Variants in FBN2 observed in about 807,000 individuals in gnomAD.
FBN2 encodes the protein fibrillin-2.
In FBN2, 105 loss-of-function variants were observed where a neutral mutation model predicts 355.6. The ratio of observed to expected loss-of-function variants is 0.30; its 90% CI spans 0.25 to 0.35. The LOEUF is 0.35. Among genes scored for constraint, FBN2 ranks in the 10% least tolerant of loss-of-function variants. FBN2 has a pLI of 1.00. For missense variants in FBN2, 3,280 were observed against 3,758.7 expected (o/e 0.87, Z 3.33); for synonymous variants, 1,350 against 1,301.2 (o/e 1.04, Z -0.81).
intron 47 of FBN2, 120 bp downstream of exon 47, chr5:128,301,262 G>A: frequency 5.2e-6 from 5 of 965,722 alleles, no homozygotes; most frequent in Middle Eastern, 5.0e-4. Context: ...GCTTATCTTG[G>A]TCATGTGCTC....
At chr5:128,511,384 C>T (rs978657097) in intron 5 of FBN2, among the ~76,000 whole-genome samples, 8 of 152,210 alleles carry the variant, frequency 5.3e-5, no homozygotes, top group African/African-American at 1.9e-4. Flanking sequence ...TTTCCAGCCT[C>T]ATCATCTACT....
At chr5:128,303,694 G>A (rs1472334439) in intron 45 of FBN2, among the ~76,000 whole-genome samples, 1 of 152,150 alleles carries the variant, frequency 6.6e-6, no homozygotes, top group Non-Finnish European at 1.5e-5. Flanking sequence ...AAAAAAGGGT[G>A]GGGGCTGGTA....
chr5:128,496,044 T>G (rs1388658702), intron 5 of FBN2, among the ~76,000 whole-genome samples: 2 of 152,128 alleles, frequency 1.3e-5, no homozygotes, highest in African/African-American at 4.8e-5. Context: ...CACTTAGGGA[T>G]AGAGAAACTA....
At chr5:128,363,375 G>A (rs1698686870) in intron 18 of FBN2, among the ~76,000 whole-genome samples, 1 of 151,908 alleles carries the variant, frequency 6.6e-6, no homozygotes, top group South Asian at 2.1e-4. Context: ...TTTTTTAGTA[G>A]AGGGGGGTTT....
intron 15 of FBN2, among the ~76,000 whole-genome samples, chr5:128,371,467 C>CT (rs1751936456): frequency 6.7e-6 from 1 of 150,040 alleles, no homozygotes; most frequent in African/African-American, 2.5e-5. Context: ...TCCTTCCTTC[C>CT]TTCCTTCCTT....
At chr5:128,491,577 T>C (rs1243401624) in intron 5 of FBN2, among the ~76,000 whole-genome samples, 3 of 152,204 alleles carry the variant, frequency 2.0e-5, no homozygotes, top group African/African-American at 7.2e-5. Context: ...TTTGACACAA[T>C]GCTGCCACTT....
intron 34 of FBN2, among the ~76,000 whole-genome samples, chr5:128,324,085 T>C (rs184437241): frequency 6.6e-6 from 1 of 152,246 alleles, no homozygotes; most frequent in South Asian, 2.1e-4. Flanking sequence ...AGAGAGGTGT[T>C]TATAGTATTC....
chr5:128,342,274 A>G (rs1348921320), intron 25 of FBN2, among the ~76,000 whole-genome samples: 1 of 152,080 alleles, frequency 6.6e-6, no homozygotes, highest in Non-Finnish European at 1.5e-5. Flanking sequence ...GCATAGAAGG[A>G]TGATCAAGAC....
At chr5:128,311,783 A>G (rs1750064545) in intron 38 of FBN2, 102 bp downstream of exon 38, 1 of 826,024 alleles carries the variant, frequency 1.2e-6, no homozygotes, top group Non-Finnish European at 2.1e-6. Flanking sequence ...ATTTTACTAA[A>G]TTATCTTGTC....
chr5:128,312,878 A>C (rs1750096520), intron 36 of FBN2, 83 bp from the exon 37 acceptor site: 10 of 1,471,848 alleles, frequency 6.8e-6, no homozygotes, highest in Non-Finnish European at 8.5e-6. Context: ...TCAAAGGATG[A>C]AATTCAAATT....
intron 52 of FBN2, 112 bp downstream of exon 52, chr5:128,289,015 T>G (rs1332423560): frequency 2.7e-6 from 3 of 1,114,368 alleles, no homozygotes; most frequent in Non-Finnish European, 4.0e-6. Flanking sequence ...TACTAGCTAT[T>G]TATCCTGGAT....
intron 2 of FBN2, among the ~76,000 whole-genome samples, chr5:128,534,967 G>A (rs550741267): frequency 2.0e-5 from 3 of 152,312 alleles, no homozygotes; most frequent in African/African-American, 7.2e-5. Context: ...GACGTTAGCT[G>A]TTTCAGGAGT....
Position 128,319,230 on chromosome 5 carries a change from G to A in FBN2, c.4472-229C>T, listed in dbSNP as rs186870913. Among the ~76,000 whole-genome samples the A allele has an allele frequency of 9.2e-5, 14 of 151,894 alleles. No homozygotes were observed. The East Asian group carries it at 2.5e-3, about 27-fold the overall frequency. On this transcript the variant is annotated intron_variant, in intron 34 of 64. Coordinates refer to ENST00000262464, the MANE Select transcript of FBN2 (RefSeq NM_001999.4). ...GTTTTCTTCGTAAAATGAGTGTCTA[G>A]TATTTTGAATGACTTGGATTATGAT...
intron 7 of FBN2, among the ~76,000 whole-genome samples, chr5:128,431,848 G>C (rs1472692841): frequency 1.3e-5 from 2 of 152,180 alleles, no homozygotes; most frequent in Non-Finnish European, 2.9e-5. Context: ...TGGACAGATG[G>C]ATGAGGCACA....
chr5:128,416,117 C>T (rs1042334335), intron 7 of FBN2, among the ~76,000 whole-genome samples: 1 of 151,842 alleles, frequency 6.6e-6, no homozygotes. Flanking sequence ...ACCTCTACCT[C>T]CCAGTTCAAG....
At chr5:128,337,915 C>T (rs999339450) in intron 27 of FBN2, 82 bp downstream of exon 27, 3 of 1,498,222 alleles carry the variant, frequency 2.0e-6, no homozygotes, top group Non-Finnish European at 2.8e-6. Flanking sequence ...ATGTGCTCCT[C>T]AAACAACAGG....
intron 7 of FBN2, among the ~76,000 whole-genome samples, chr5:128,423,482 T>C (rs1753406201): frequency 6.6e-6 from 1 of 152,048 alleles, no homozygotes; most frequent in Admixed American, 6.6e-5. Context: ...GAAGAACAGC[T>C]TGAGAAAACC....
At chr5:128,514,153 T>C (rs1756214121) in intron 5 of FBN2, among the ~76,000 whole-genome samples, 1 of 152,174 alleles carries the variant, frequency 6.6e-6, no homozygotes, top group Non-Finnish European at 1.5e-5. Flanking sequence ...AAGGGAGACA[T>C]TTTATTTCTG....
Position 128,286,740 on chromosome 5 carries a change from C to T in FBN2, c.6990G>A (p.Arg2330=), listed in dbSNP as rs28763928. The T allele has an allele frequency of 3.3e-5, 53 of 1,614,152 alleles. No individual in the cohort carries two copies. In the East Asian group the frequency reaches 1.1e-3, roughly 34 times the overall value. The part of the protein sequence containing the change: ...MCICPPGMAR[R]PDGEGCVDEN... ...TACCTACACAGCCTTCTCCATCGGG[C>T]CTTCGGGCCATTCCAGGAGGGCAGA... Residue 2330 remains arginine, a synonymous_variant, in exon 55 of 65, where the codon AGG becomes AGA. Transcript: ENST00000262464.
Sources: allele counts gnomAD v4.1 joint callset (sites outside exome capture counted in the v4.1 genomes callset), GRCh38; gene constraint gnomAD v4.1.1; transcripts MANE v1.5; gene names NCBI Gene and HGNC (gene_info 2026-07-23, HGNC 2026-07-21).